ING1: variants seen among roughly 807,000 people sequenced by gnomAD.
ING1 encodes inhibitor of growth family member 1, also known as inhibitor of growth protein 1.
In ING1, 4 loss-of-function variants were observed where a neutral mutation model predicts 23.1. The observed-to-expected ratio is 0.17, with a 90% CI of 0.09 to 0.40. The LOEUF (loss-of-function observed/expected upper bound fraction) is 0.40. Among genes scored for constraint, ING1 ranks in the 10% least tolerant of loss-of-function variants. The pLI is 1.00. For missense variants in ING1, 256 were observed against 393.8 expected (o/e 0.65, Z 2.96); for synonymous variants, 179 against 166.4 (o/e 1.08, Z -0.58).
At chr13:110,715,814 C>T (rs756633978) in intron 1 of ING1, 3 of 1,584,954 alleles carry the variant, frequency 1.9e-6, no homozygotes, top group East Asian at 4.5e-5. Flanking sequence ...CGGGTGTCGC[C>T]CCGGCCCCTC....
At chr13:110,716,734 A>G (rs1057289814) in intron 1 of ING1, among the ~76,000 whole-genome samples, 2 of 152,214 alleles carry the variant, frequency 1.3e-5, no homozygotes, top group African/African-American at 2.4e-5. Context: ...TAATCTGTAA[A>G]TTGCATGTGC....
upstream of ING1, chr13:110,713,541 C>T (rs1488383306): frequency 1.6e-5 from 16 of 986,080 alleles, no homozygotes; most frequent in Non-Finnish European, 1.9e-5. Flanking sequence ...AGGCCACGCC[C>T]CCGCGAGGGC....
upstream of ING1, chr13:110,713,284 T>G: frequency 7.8e-7 from 1 of 1,281,182 alleles, no homozygotes; most frequent in Non-Finnish European, 9.9e-7. Context: ...AGGAGCGAGT[T>G]GCGGTAGTTG....
upstream of ING1, chr13:110,712,737 C>T (rs892319082): frequency 1.4e-6 from 1 of 699,738 alleles, no homozygotes; most frequent in Non-Finnish European, 2.6e-6. Context: ...GGGGAGCGGC[C>T]TCCGAGAACG....
chr13:110,712,792 G>A (rs1160277306), upstream of ING1: 5 of 733,570 alleles, frequency 6.8e-6, no homozygotes, highest in African/African-American at 3.5e-5. Context: ...TAGGGAAGGC[G>A]CCCCTCGGGC....
intron 1 of ING1, among the ~76,000 whole-genome samples, chr13:110,714,823 T>C (rs1354068479): frequency 1.3e-5 from 2 of 152,096 alleles, no homozygotes; most frequent in Non-Finnish European, 1.5e-5. Flanking sequence ...AGTACTCCGC[T>C]CGGGGTAGGT....
upstream of ING1, chr13:110,713,646 A>G (rs2064068006): frequency 7.1e-6 from 7 of 985,270 alleles, no homozygotes; most frequent in South Asian, 2.3e-4. Context: ...GCCGGGGCGC[A>G]TGCGCGCTGC....
chr13:110,713,033 G>A, upstream of ING1: 1 of 1,485,544 alleles, frequency 6.7e-7, no homozygotes, highest in Non-Finnish European at 8.9e-7. Flanking sequence ...GAGGGTGCCA[G>A]TGCGCATGCG....
At chr13:110,713,616 G>A, upstream of ING1, 4 of 984,732 alleles carry the variant, frequency 4.1e-6, no homozygotes, top group Non-Finnish European at 4.8e-6. Context: ...CGGGGGGCGG[G>A]GCCGTTGCCG....
In ING1 at chr13:110,714,269, C is replaced by T. The variant is rs201188640; in HGVS notation, c.120C>T (p.Ile40=). The T allele has an allele frequency of 1.3e-6, 2 of 1,571,002 alleles. No homozygotes were observed. Among genetic ancestry groups the T allele is most frequent in the East Asian group, 5.0e-5 (2 of 39,614 alleles). ...LQRNVSLMRE[I]DAKYQEILKE... ...GAAATGTCTCGCTGATGCGGGAGAT[C>T]GACGCGAAATACCAAGGTACGGCCG... The change falls in exon 1 of 2, where the codon ATC becomes ATT. Residue 40 remains isoleucine (I), a synonymous_variant. Transcript: ENST00000333219.
At position 110,715,434 on chromosome 13, in the gene ING1, G is replaced by A. The variant is rs748542228; in HGVS notation, c.136+1149G>A. The A allele has an allele frequency of 5.1e-6, 8 of 1,570,900 alleles. No homozygotes were observed. In the Admixed American group the frequency reaches 9.2e-5, roughly 18 times the overall value. On this transcript the variant is annotated intron_variant, in intron 1 of 1. Transcript: ENST00000333219. ...AACGTCCCGCCTCAGCCCCCCAGTA[G>A]TTGGCTGTGATGTCCTTCGTGGAAT...
chr13:110,713,226 GC>G, upstream of ING1: 1 of 1,415,814 alleles, frequency 7.1e-7, no homozygotes, highest in Non-Finnish European at 9.2e-7. Context: ...TCTGTTTCGG[GC>G]CCTACTTATA....
upstream of ING1, chr13:110,713,020 C>G (rs754610235): frequency 1.3e-6 from 2 of 1,512,526 alleles, no homozygotes; most frequent in Non-Finnish European, 1.8e-6. Flanking sequence ...CAAAGGACAC[C>G]GAGAGGGTGC....
intron 1 of ING1, chr13:110,715,063 G>C: frequency 2.0e-6 from 2 of 1,014,196 alleles, no homozygotes; most frequent in Non-Finnish European, 2.4e-6. Flanking sequence ...ACTGTGGCAG[G>C]TGAGAGGACC....
chr13:110,713,029 GCCAGT>G (rs2064053623), upstream of ING1: 2 of 1,494,256 alleles, frequency 1.3e-6, no homozygotes, highest in Non-Finnish European at 1.8e-6. Flanking sequence ...CCGAGAGGGT[GCCAGT>G]GCGCATGCGC....
At chr13:110,712,765 CG>C, upstream of ING1, 1 of 706,724 alleles carries the variant, frequency 1.4e-6, no homozygotes, top group Non-Finnish European at 2.6e-6. Flanking sequence ...TGACACAGGG[CG>C]GGAAGAGATA....
chr13:110,720,107 A>T lies in ING1; in HGVS notation c.*175A>T, dbSNP rs2064159752. ...CTGTTTGCCTTTTGTTTTCATTGGT[A>T]CACGTGTAACAAGAAAGTGGTCTGT... On this transcript the variant is annotated 3_prime_UTR_variant, in exon 2 of 2. Coordinates refer to ENST00000333219, the MANE Select transcript of ING1 (RefSeq NM_198219.3). The T allele has an allele frequency of 3.9e-6, 2 of 518,102 alleles. No homozygotes were observed. Among genetic ancestry groups the T allele is most frequent in the East Asian group, 6.7e-5 (2 of 29,872 alleles). The allele number at this position is 518,102 out of a possible 1,614,324, so 32.1% of individuals were successfully genotyped here. A position where few individuals can be genotyped will look rare whatever the true frequency, so the allele number is the denominator to read the frequency against.
chr13:110,712,844 C>A, upstream of ING1: 1 of 1,065,640 alleles, frequency 9.4e-7, no homozygotes, highest in Non-Finnish European at 1.4e-6. Flanking sequence ...AAGCAGCTTC[C>A]CTCTCAGGCC....
Position 110,719,161 on chromosome 13 carries a change from C to A in ING1, c.137-68C>A. 6.6e-7 allele frequency: 1 copy of A among 1,505,836 alleles called. No individual in the cohort carries two copies. Among genetic ancestry groups the A allele is most frequent in the Non-Finnish European group, 9.1e-7 (1 of 1,098,990 alleles). The allele number at this position is 1,505,836 out of a possible 1,614,324, so 93.3% of individuals were successfully genotyped here. On this transcript the variant is annotated intron_variant, in intron 1 of 1. Coordinates refer to ENST00000333219, the MANE Select transcript of ING1 (RefSeq NM_198219.3). This position sits in a 1 kb window ranked among gnomAD's most constrained non-coding sequence, Gnocchi z 8.9. ...CTCCCTGCCAGCCCTCTCCGTAGAC[C>A]CGTCCGGGGCCGTGTGGGTTGTCCC...
Sources: allele counts gnomAD v4.1 joint callset (sites outside exome capture counted in the v4.1 genomes callset), GRCh38; gene constraint gnomAD v4.1.1; non-coding constraint Gnocchi (gnomAD v3.1); transcripts MANE v1.5; gene names NCBI Gene and HGNC (gene_info 2026-07-23, HGNC 2026-07-21).